The following ACACB variants were observed in gnomAD, a reference collection of about 807,000 sequenced individuals.
ACACB encodes the protein acetyl-CoA carboxylase beta.
A neutral mutation model predicts 278.8 loss-of-function variants in ACACB; 209 were observed. The observed-to-expected ratio is 0.75, with a 90% CI of 0.67 to 0.84. The LOEUF is 0.84. ACACB is among the 40% of genes least tolerant of loss of function. The pLI, the probability that ACACB is intolerant of heterozygous loss-of-function variation, is 0.00. For missense variants in ACACB, 2,850 were observed against 3,269.0 expected (o/e 0.87, Z 3.13); for synonymous variants, 1,174 against 1,285.6 (o/e 0.91, Z 1.86).
intron 2 of ACACB, among the ~76,000 whole-genome samples, chr12:109,145,695 GA>G (rs1271995541): frequency 6.6e-6 from 1 of 151,614 alleles, no homozygotes; most frequent in Non-Finnish European, 1.5e-5. Flanking sequence ...AACTCCTTCT[GA>G]AAAAAAATAT....
intron 2 of ACACB, among the ~76,000 whole-genome samples, chr12:109,151,307 G>C (rs2043369898): frequency 6.6e-6 from 1 of 152,074 alleles, no homozygotes; most frequent in African/African-American, 2.4e-5. Flanking sequence ...CTAGGAGCTT[G>C]GGGGAAAGAG....
Position 109,209,938 on chromosome 12 carries a change from TAC to T in ACACB, c.3249+592_3249+593del, listed in dbSNP as rs1276726530. Among the ~76,000 whole-genome samples, 26 of 69,598 alleles carry T rather than the reference TAC, an allele frequency of 3.7e-4. 3 individuals carry two copies. Among genetic ancestry groups the T allele is most frequent in the South Asian group, 1.2e-3 (3 of 2,558 alleles). The allele number at this position is 69,598 out of a possible 152,430, so 45.7% of individuals were successfully genotyped here. On this transcript the variant is annotated intron_variant, in intron 21 of 52. Coordinates refer to ENST00000338432, the MANE Select transcript of ACACB (RefSeq NM_001093.4). ...GTGTGTATATATGTGTATACACACATACACACACGTGTGTGTATATATGTGTA... is the reference window on the plus strand; with the variant it reads ...GTGTGTATATATGTGTATACACACATACACACGTGTGTGTATATATGTGTA...
Position 109,206,428 on chromosome 12 carries a change from C to CAAAAAAAAAA in ACACB, c.2914-275_2914-266dup, listed in dbSNP as rs35315851. Among the ~76,000 whole-genome samples the CAAAAAAAAAA allele has an allele frequency of 4.0e-3, 359 of 89,734 alleles. 32 individuals are homozygous for CAAAAAAAAAA. The highest frequency in any genetic ancestry group is 0.017 in the African/African-American group (327 of 19,644). 58.9% of individuals were successfully genotyped at this position (89,734 alleles called of 152,430 possible). ...CAGCCTGGGGACAATGCGAGTGTCT[C>CAAAAAAAAAA]AAAAAAAAAAAAAAAACAGATCTCA... On this transcript the variant is annotated intron_variant, in intron 19 of 52. Coordinates refer to ENST00000338432, the MANE Select transcript of ACACB (RefSeq NM_001093.4).
At chr12:109,130,282 A>G (rs1182684492) in intron 1 of ACACB, among the ~76,000 whole-genome samples, 6 of 152,150 alleles carry the variant, frequency 3.9e-5, no homozygotes, top group African/African-American at 1.4e-4. Flanking sequence ...TACCATCCTT[A>G]TCCCCATTTT....
At chr12:109,159,371 T>C (rs962385211) in intron 2 of ACACB, among the ~76,000 whole-genome samples, 1 of 152,026 alleles carries the variant, frequency 6.6e-6, no homozygotes, top group Non-Finnish European at 1.5e-5. Context: ...GTCTGATTAA[T>C]GCCGGGGCCC....
intron 2 of ACACB, among the ~76,000 whole-genome samples, chr12:109,165,861 CTTG>C (rs2043878935): frequency 1.3e-5 from 2 of 152,160 alleles, no homozygotes; most frequent in South Asian, 4.1e-4. Context: ...ATTGCATACA[CTTG>C]TTGTTTAGGA....
intron 12 of ACACB, 120 bp downstream of exon 12, chr12:109,185,860 G>T: frequency 2.2e-6 from 2 of 917,586 alleles, no homozygotes; most frequent in Non-Finnish European, 3.1e-6. Context: ...TTTACAAATG[G>T]GGAAACTGAG....
intron 11 of ACACB, among the ~76,000 whole-genome samples, chr12:109,185,337 T>C (rs1199370488): frequency 6.6e-6 from 1 of 152,246 alleles, no homozygotes; most frequent in Non-Finnish European, 1.5e-5. Flanking sequence ...TGTGATGTTG[T>C]TTCATAAATA....
At chr12:109,215,090 C>T (rs1244151703) in intron 22 of ACACB, among the ~76,000 whole-genome samples, 4 of 149,060 alleles carry the variant, frequency 2.7e-5, no homozygotes, top group African/African-American at 5.0e-5. Flanking sequence ...AACAAAACCT[C>T]GTCTCAAAAA....
rs772558737 is a variant in ACACB at position 109,206,807 on chromosome 12, C to T, written c.3011C>T (p.Thr1004Ile). ...TTCCACAGCGTCCTGGAAAACCTCA[C>T]CAACGTCATGAGTGGCTTTTGTCTG... Reference protein sequence around the residue: ...QVFHSVLENLTNVMSGFCLPE... With the variant: ...QVFHSVLENLINVMSGFCLPE... Residue 1004 changes from threonine to isoleucine, a missense_variant, in exon 20 of 53, where the codon ACC becomes ATC. This residue lies in a region of ACACB where 2,265 missense variants were observed against 2,561.3 expected (regional missense o/e 0.88). Coordinates refer to ENST00000338432, the MANE Select transcript of ACACB (RefSeq NM_001093.4). 1.5e-5 allele frequency: 24 copies of T among 1,613,996 alleles called. No individual in the cohort carries two copies. Among genetic ancestry groups the T allele is most frequent in the Middle Eastern group, 3.3e-4 (2 of 6,084 alleles).
chr12:109,170,367 C>T (rs909847298), intron 4 of ACACB, among the ~76,000 whole-genome samples: 4 of 151,910 alleles, frequency 2.6e-5, no homozygotes, highest in African/African-American at 4.8e-5. Context: ...GCCCAGCCAG[C>T]GTGTGTTTTT....
rs543934006 is a variant in ACACB, at chr12:109,267,953, G to C, written c.*1591G>C. ...GCTTGAGGGTATCCAAGTTGAAAAA[G>C]ACAAAATCTGACCATCAGCCAGTGA... On this transcript the variant is annotated 3_prime_UTR_variant, in exon 53 of 53. Coordinates refer to ENST00000338432, the MANE Select transcript of ACACB (RefSeq NM_001093.4). The C allele has an allele frequency of 1.4e-5, 2 of 147,962 alleles. No individual in the cohort carries two copies. Among genetic ancestry groups the C allele is most frequent in the South Asian group, 4.5e-4 (2 of 4,426 alleles). 9.2% of individuals were successfully genotyped at this position (147,962 alleles called of 1,614,324 possible).
chr12:109,174,262 C>T (rs374741689), intron 7 of ACACB, 32 bp downstream of exon 7: 32 of 1,545,188 alleles, frequency 2.1e-5, no homozygotes, highest in South Asian at 4.6e-5. Flanking sequence ...TCTGGGGGAG[C>T]TTCTCAGCCC....
chr12:109,183,295 A>AT (rs766741424), intron 11 of ACACB, among the ~76,000 whole-genome samples: 122 of 150,102 alleles, frequency 8.1e-4, no homozygotes, highest in Middle Eastern at 3.4e-3. Flanking sequence ...AAACTTTAGG[A>AT]TTTTTTTTTC....
intron 41 of ACACB, among the ~76,000 whole-genome samples, chr12:109,250,567 G>T (rs914819050): frequency 6.6e-6 from 1 of 152,074 alleles, no homozygotes; most frequent in Non-Finnish European, 1.5e-5. Context: ...ACTTTAACTG[G>T]CATATAAGGA....
intron 16 of ACACB, among the ~76,000 whole-genome samples, chr12:109,195,119 G>A (rs2045070601): frequency 6.6e-6 from 1 of 152,172 alleles, no homozygotes; most frequent in African/African-American, 2.4e-5. Flanking sequence ...TAGCCATGGT[G>A]TTCTGGGCCC....
chr12:109,262,485 A>T lies in ACACB; in HGVS notation c.6787+16A>T, dbSNP rs748398192. 1.3e-6 allele frequency: 2 copies of T among 1,585,202 alleles called. No homozygotes were observed. The highest frequency in any genetic ancestry group is 8.7e-7 in the Non-Finnish European group (1 of 1,155,240). Reference sequence around the variant, plus strand: ...GAACAGCTAGGTAAGGGGGTCCCAAAGGCTTCACCTCTCAGAGGTCAAGAG... The same window carrying T: ...GAACAGCTAGGTAAGGGGGTCCCAATGGCTTCACCTCTCAGAGGTCAAGAG... On this transcript the variant is annotated intron_variant, in intron 49 of 52. Transcript: ENST00000338432.
At chr12:109,189,468 C>T (rs976554559) in intron 13 of ACACB, among the ~76,000 whole-genome samples, 17 of 152,118 alleles carry the variant, frequency 1.1e-4, no homozygotes, top group African/African-American at 3.1e-4. Context: ...GTGGACCAAC[C>T]GCAACTTCAA....
intron 31 of ACACB, among the ~76,000 whole-genome samples, chr12:109,234,457 A>G (rs1254256937): frequency 1.3e-5 from 2 of 152,134 alleles, no homozygotes; most frequent in Non-Finnish European, 2.9e-5. Flanking sequence ...ATGCCATTGT[A>G]TTTCAGCCTG....
Sources: allele counts gnomAD v4.1 joint callset (sites outside exome capture counted in the v4.1 genomes callset), GRCh38; gene constraint gnomAD v4.1.1; regional missense constraint gnomAD v4.1.1; transcripts MANE v1.5; gene names NCBI Gene and HGNC (gene_info 2026-07-23, HGNC 2026-07-21).